Variants in PAFAH1B1 observed in about 807,000 individuals in gnomAD.
The protein encoded by PAFAH1B1 is platelet-activating factor acetylhydrolase IB subunit beta.
PAFAH1B1 carries 2 observed loss-of-function variants against 57.5 expected under a neutral mutation model. The observed-to-expected ratio is 0.03, with a 90% CI of 0.01 to 0.11. PAFAH1B1 has a LOEUF of 0.11. Ranked by LOEUF, PAFAH1B1 falls within the 10% of genes least tolerant of loss-of-function variation. PAFAH1B1 has a pLI of 1.00. For synonymous variants in PAFAH1B1, 152 were observed against 169.6 expected (o/e 0.90, Z 0.81); for missense variants, 257 against 512.0 (o/e 0.50, Z 4.81).
At chr17:2,627,474 G>A (rs777872113) in intron 1 of PAFAH1B1, among the ~76,000 whole-genome samples, 16 of 152,234 alleles carry the variant, frequency 1.1e-4, no homozygotes, top group African/African-American at 3.9e-4. Flanking sequence ...CCAGTGCCAC[G>A]CTGTTTTGGT....
At chr17:2,597,120 C>T (rs1488709546) in intron 1 of PAFAH1B1, among the ~76,000 whole-genome samples, 1 of 152,082 alleles carries the variant, frequency 6.6e-6, no homozygotes, top group Non-Finnish European at 1.5e-5. Flanking sequence ...TGTTGTTAAT[C>T]AGGAGCTTAA....
Position 2,662,798 on chromosome 17 carries a change from G to A in PAFAH1B1, c.33-2574G>A, listed in dbSNP as rs566480279. The stretch of plus-strand genomic sequence containing the variant: ...AATTCTAGTGACTGGTTTCAAAGAG[G>A]TGAAGATTCCATCCTTAATAAAGCT... On this transcript the variant is annotated intron_variant, in intron 2 of 10. Transcript: ENST00000397195. 4.6e-5 allele frequency among the ~76,000 whole-genome samples: 7 copies of A among 152,220 alleles called. No individual in the cohort carries two copies. In the South Asian group the frequency reaches 1.2e-3, roughly 27 times the overall value.
At chr17:2,614,072 G>T (rs1461351532) in intron 1 of PAFAH1B1, 1 of 136,274 alleles carries the variant, frequency 7.3e-6, no homozygotes, top group Non-Finnish European at 1.5e-5. Flanking sequence ...GTCGCCCAGG[G>T]TGGAGTGCAG....
chr17:2,643,449 A>G (rs1366228529), intron 2 of PAFAH1B1, among the ~76,000 whole-genome samples: 2 of 151,986 alleles, frequency 1.3e-5, no homozygotes, highest in Non-Finnish European at 2.9e-5. Flanking sequence ...TAGTTTTTGT[A>G]GAGATGGTCT....
intron 6 of PAFAH1B1, among the ~76,000 whole-genome samples, chr17:2,672,160 T>G (rs958931458): frequency 6.6e-6 from 1 of 151,702 alleles, no homozygotes; most frequent in Non-Finnish European, 1.5e-5. Context: ...TACACACCTG[T>G]GTAGTTCCAG....
chr17:2,612,374 T>C (rs1039872850), intron 1 of PAFAH1B1, among the ~76,000 whole-genome samples: 1 of 151,914 alleles, frequency 6.6e-6, no homozygotes, highest in Admixed American at 6.6e-5. Context: ...TGGCTAATTT[T>C]TTGTATTTTT....
intron 5 of PAFAH1B1, 67 bp downstream of exon 5, chr17:2,667,265 C>T (rs779999092): frequency 1.2e-5 from 15 of 1,262,200 alleles, no homozygotes; most frequent in Non-Finnish European, 1.6e-5. Flanking sequence ...ACCCGGGAGG[C>T]GGAGTTTGCA....
chr17:2,668,153 C>T (rs2069133173), intron 5 of PAFAH1B1, among the ~76,000 whole-genome samples: 1 of 151,662 alleles, frequency 6.6e-6, no homozygotes. Context: ...GGAGAAACCC[C>T]ATCTCTACTA....
intron 1 of PAFAH1B1, among the ~76,000 whole-genome samples, chr17:2,600,759 T>C (rs956572883): frequency 6.6e-6 from 1 of 152,096 alleles, no homozygotes; most frequent in Non-Finnish European, 1.5e-5. Flanking sequence ...AGACGGACTC[T>C]CGCTGTGTTG....
chr17:2,637,162 C>T (rs1031983570), intron 1 of PAFAH1B1, among the ~76,000 whole-genome samples: 2 of 152,100 alleles, frequency 1.3e-5, no homozygotes, highest in Non-Finnish European at 2.9e-5. Flanking sequence ...GATTGGTTGT[C>T]CCACAGGATC....
At chr17:2,647,694 GAC>G (rs1453715430) in intron 2 of PAFAH1B1, among the ~76,000 whole-genome samples, 1 of 152,080 alleles carries the variant, frequency 6.6e-6, no homozygotes, top group African/African-American at 2.4e-5. Flanking sequence ...ACATACCCAA[GAC>G]AGGGTAATTT....
rs376596723 is a variant in PAFAH1B1, at chr17:2,680,175, T to C, written c.1014T>C (p.Asp338=). ...TTTTTGTTTTTAAGGTGGGTCATGATAACTGGGTACGTGGAGTTCTGTTCC... is the reference window on the plus strand; with the variant it reads ...TTTTTGTTTTTAAGGTGGGTCATGACAACTGGGTACGTGGAGTTCTGTTCC... The part of the protein sequence containing the change: ...GMCLMTLVGH[D]NWVRGVLFHS... Residue 338 remains aspartate (D), a synonymous_variant, in exon 10 of 11, where the codon GAT becomes GAC. Coordinates refer to ENST00000397195, the MANE Select transcript of PAFAH1B1 (RefSeq NM_000430.4). The C allele has an allele frequency of 6.2e-7, 1 of 1,614,048 alleles. No homozygotes were observed. Among genetic ancestry groups the C allele is most frequent in the African/African-American group, 1.3e-5 (1 of 74,950 alleles).
chr17:2,634,463 C>G (rs149921051), intron 1 of PAFAH1B1, among the ~76,000 whole-genome samples: 29 of 152,252 alleles, frequency 1.9e-4, no homozygotes, highest in African/African-American at 6.3e-4. Flanking sequence ...CCAGAAATCA[C>G]TTGACTCCTT....
chr17:2,616,565 C>T (rs1384317283), intron 1 of PAFAH1B1, among the ~76,000 whole-genome samples: 2 of 152,116 alleles, frequency 1.3e-5, no homozygotes, highest in African/African-American at 4.8e-5. Flanking sequence ...TAGAATAAGG[C>T]CCGCCCACAT....
intron 2 of PAFAH1B1, chr17:2,640,234 C>G (rs1199985517): frequency 6.6e-6 from 1 of 152,054 alleles, no homozygotes; most frequent in Non-Finnish European, 1.5e-5. Flanking sequence ...CTTCCATATT[C>G]CAGTTTTATC....
At chr17:2,679,725 G>A (rs1325919509) in intron 9 of PAFAH1B1, 1 of 212,258 alleles carries the variant, frequency 4.7e-6, no homozygotes, top group South Asian at 7.1e-5. Flanking sequence ...CCATTTGTTG[G>A]TTTTCCTTCA....
rs1254893127 is a variant in PAFAH1B1, at chr17:2,684,820, G to A, written c.*3018G>A. On this transcript the variant is annotated 3_prime_UTR_variant, in exon 11 of 11. Coordinates refer to ENST00000397195, the MANE Select transcript of PAFAH1B1 (RefSeq NM_000430.4). ...GTAGTCTTTGGAAGCTTTGGCTTTA[G>A]ATTTACCAAGCCCCGCCTCCCCGCT... 1.3e-5 allele frequency: 2 copies of A among 152,586 alleles called. No homozygotes were observed. The highest frequency in any genetic ancestry group is 4.8e-5 in the African/African-American group (2 of 41,420). 9.5% of individuals were successfully genotyped at this position (152,586 alleles called of 1,614,324 possible).
intron 1 of PAFAH1B1, chr17:2,635,554 CA>C (rs1477711799): frequency 2.6e-5 from 4 of 151,830 alleles, no homozygotes; most frequent in African/African-American, 9.7e-5. Flanking sequence ...CTTGTAGAGA[CA>C]GGGTCTCGCT....
At chr17:2,667,324 A>T (rs2069119691) in intron 5 of PAFAH1B1, 126 bp downstream of exon 5, 1 of 692,216 alleles carries the variant, frequency 1.4e-6, no homozygotes. Flanking sequence ...ACAGAGCCAC[A>T]CTCTGTCTCA....
Sources: gnomAD v4.1 joint callset for allele counts (sites outside exome capture counted in the v4.1 genomes callset) on GRCh38, gnomAD v4.1.1 for gene constraint, MANE v1.5 for transcripts, NCBI Gene and HGNC (gene_info 2026-07-23, HGNC 2026-07-21) for gene names.